Variants in ZC2HC1A observed in about 807,000 individuals in gnomAD.
ZC2HC1A encodes zinc finger C2HC domain-containing protein 1A.
ZC2HC1A carries 28 observed loss-of-function variants against 40.7 expected under a neutral mutation model. The ratio of observed to expected loss-of-function variants is 0.69; its 90% CI spans 0.51 to 0.94. ZC2HC1A has a LOEUF of 0.94. Among genes scored for constraint, ZC2HC1A ranks in the 40% least tolerant of loss-of-function variants. The pLI is 0.00. For synonymous variants in ZC2HC1A, 129 were observed against 129.2 expected, an observed-to-expected ratio of 1.00 and a Z score of 0.01; for missense variants, 389 against 386.3, an observed-to-expected ratio of 1.01 and a Z score of -0.06.
chr8:78,677,376 A>C (rs907989911), intron 2 of ZC2HC1A, among the ~76,000 whole-genome samples: 4 of 152,068 alleles, frequency 2.6e-5, no homozygotes, highest in African/African-American at 9.7e-5. Flanking sequence ...TCTGAATAGT[A>C]GTAGAACACT....
intron 3 of ZC2HC1A, among the ~76,000 whole-genome samples, chr8:78,684,261 G>T (rs2170732): frequency 0.78 from 119,066 of 152,138 alleles, 46,956 homozygotes; most frequent in East Asian, 0.91. Flanking sequence ...AAAAAGAGGT[G>T]TAACAGACTC....
chr8:78,689,488 A>T, intron 5 of ZC2HC1A, 115 bp downstream of exon 5: 3 of 949,364 alleles, frequency 3.2e-6, no homozygotes. Flanking sequence ...GCTTTTATAG[A>T]TATATAGTTT....
chr8:78,690,621 A>G (rs1810179381), intron 5 of ZC2HC1A, among the ~76,000 whole-genome samples: 1 of 152,048 alleles, frequency 6.6e-6, no homozygotes, highest in South Asian at 2.1e-4. Flanking sequence ...TTTATAATTG[A>G]CTTGTCAACA....
intron 7 of ZC2HC1A, among the ~76,000 whole-genome samples, chr8:78,714,180 T>C (rs952323831): frequency 3.9e-5 from 6 of 152,174 alleles, no homozygotes; most frequent in East Asian, 1.9e-4. Flanking sequence ...TCAATGAACA[T>C]CTAAATCCTA....
chr8:78,674,442 C>T (rs1157742064), intron 1 of ZC2HC1A, among the ~76,000 whole-genome samples: 2 of 152,156 alleles, frequency 1.3e-5, no homozygotes, highest in African/African-American at 4.8e-5. Flanking sequence ...ATTTTGAAGA[C>T]TGTCTTATCT....
At chr8:78,696,531 G>T (rs1810420565) in intron 5 of ZC2HC1A, among the ~76,000 whole-genome samples, 1 of 152,138 alleles carries the variant, frequency 6.6e-6, no homozygotes, top group South Asian at 2.1e-4. Flanking sequence ...TGATCAGTAA[G>T]ATACTTTTAT....
At chr8:78,695,100 G>A (rs1439988303) in intron 5 of ZC2HC1A, among the ~76,000 whole-genome samples, 2 of 152,090 alleles carry the variant, frequency 1.3e-5, no homozygotes, top group Admixed American at 6.6e-5. Flanking sequence ...GATACCGAGG[G>A]GGAGGTGAAT....
intron 8 of ZC2HC1A, 92 bp downstream of exon 8, chr8:78,715,420 T>G (rs1811070441): frequency 1.7e-6 from 2 of 1,195,586 alleles, no homozygotes; most frequent in South Asian, 1.7e-5. Flanking sequence ...TAACAAGCTA[T>G]TTATAGAAAA....
At position 78,697,403 on chromosome 8, in the gene ZC2HC1A, T is replaced by G; in HGVS notation, c.505-4T>G. 1 of 1,582,208 alleles carries G rather than the reference T, an allele frequency of 6.3e-7. No homozygotes were observed. The highest frequency in any genetic ancestry group is 8.6e-7 in the Non-Finnish European group (1 of 1,169,024). ...TGATTAATATTTTTTTTCCATTATT[T>G]TAGTATAAGCCACCCGCACTTAAAA... is the stretch of plus-strand genomic sequence containing the variant. On this transcript the variant is annotated splice_region_variant and splice_polypyrimidine_tract_variant and intron_variant, in intron 5 of 8. Coordinates refer to ENST00000263849, the MANE Select transcript of ZC2HC1A (RefSeq NM_016010.3).
intron 1 of ZC2HC1A, among the ~76,000 whole-genome samples, chr8:78,667,355 T>A (rs1268050892): frequency 6.6e-6 from 1 of 152,172 alleles, no homozygotes; most frequent in African/African-American, 2.4e-5. Context: ...GGAAGATAAT[T>A]CAAGTTTCCA....
At chr8:78,698,654 A>G (rs1341612293) in intron 7 of ZC2HC1A, 141 bp downstream of exon 7, 3 of 534,734 alleles carry the variant, frequency 5.6e-6, no homozygotes, top group Non-Finnish European at 9.1e-6. Flanking sequence ...TCAGGAGCAC[A>G]CTCACTGCTG....
At chr8:78,684,773 A>T (rs1425648308) in intron 3 of ZC2HC1A, among the ~76,000 whole-genome samples, 1 of 152,202 alleles carries the variant, frequency 6.6e-6, no homozygotes, top group Non-Finnish European at 1.5e-5. Flanking sequence ...AACACAAAGT[A>T]TGAAATATTT....
At chr8:78,674,787 T>C (rs1809527344) in intron 1 of ZC2HC1A, among the ~76,000 whole-genome samples, 1 of 152,180 alleles carries the variant, frequency 6.6e-6, no homozygotes, top group African/African-American at 2.4e-5. Context: ...GTGAACTCAC[T>C]AAATGTCTTG....
chr8:78,697,150 TA>T (rs1161363792), intron 5 of ZC2HC1A, among the ~76,000 whole-genome samples: 1 of 152,206 alleles, frequency 6.6e-6, no homozygotes, highest in East Asian at 1.9e-4. Context: ...TCTTTCCAAT[TA>T]TTTTTTTACT....
chr8:78,715,393 C>A, intron 8 of ZC2HC1A, 65 bp downstream of exon 8: 2 of 1,412,860 alleles, frequency 1.4e-6, no homozygotes, highest in Non-Finnish European at 1.9e-6. Flanking sequence ...TTTCCAAGGA[C>A]CATACACAAA....
At chr8:78,712,018 C>A (rs756642014) in intron 7 of ZC2HC1A, 96 of 1,289,470 alleles carry the variant, frequency 7.4e-5, no homozygotes, top group Non-Finnish European at 9.4e-5. Context: ...CCCTCCACTT[C>A]GAACGGGAAG....
chr8:78,685,785 T>A (rs1334593843), intron 3 of ZC2HC1A: 1 of 152,186 alleles, frequency 6.6e-6, no homozygotes, highest in Admixed American at 6.6e-5. Context: ...TGTTAGAGGA[T>A]CTATGGAAAA....
chr8:78,687,822 TA>T (rs1163287253), intron 4 of ZC2HC1A, among the ~76,000 whole-genome samples: 4 of 126,988 alleles, frequency 3.1e-5, no homozygotes, highest in Non-Finnish European at 3.2e-5. Flanking sequence ...TAAATATATA[TA>T]TTCATGTAAT....
At chr8:78,689,478 G>T (rs1810137897) in intron 5 of ZC2HC1A, 105 bp downstream of exon 5, 2 of 1,045,052 alleles carry the variant, frequency 1.9e-6, no homozygotes, top group South Asian at 5.6e-5. Flanking sequence ...TTTCTCACCT[G>T]CTTTTATAGA....
Sources: gnomAD v4.1 joint callset for allele counts (sites outside exome capture counted in the v4.1 genomes callset) on GRCh38, gnomAD v4.1.1 for gene constraint, MANE v1.5 for transcripts, NCBI Gene and HGNC (gene_info 2026-07-23, HGNC 2026-07-21) for gene names.